The following ZNF407 variants were observed in gnomAD, a reference collection of about 807,000 sequenced individuals.
ZNF407 encodes zinc finger protein 407.
Under a neutral mutation model 131.2 loss-of-function variants are expected in ZNF407, and 17 were observed. That is an observed-to-expected ratio of 0.13 (90% CI 0.09 to 0.19). ZNF407 has a LOEUF of 0.19. Ranked by LOEUF, ZNF407 falls within the 10% of genes least tolerant of loss-of-function variation. The pLI, the probability that ZNF407 is intolerant of heterozygous loss-of-function variation, is 1.00. For missense variants in ZNF407, 2,681 were observed against 2,830.6 expected (o/e 0.95, Z 1.20); for synonymous variants, 1,156 against 1,062.0 (o/e 1.09, Z -1.72).
intron 4 of ZNF407, among the ~76,000 whole-genome samples, chr18:74,811,749 T>C (rs1044422345): frequency 4.6e-5 from 7 of 152,064 alleles, no homozygotes; most frequent in Admixed American, 3.9e-4. Context: ...TTGGAAATCA[T>C]CATTCTCAGT....
intron 3 of ZNF407, among the ~76,000 whole-genome samples, chr18:74,722,014 T>G (rs865936975): frequency 1.3e-5 from 2 of 152,140 alleles, no homozygotes; most frequent in African/African-American, 4.8e-5. Context: ...TGTTCTTGTA[T>G]GTGATGAAAC....
intron 8 of ZNF407, among the ~76,000 whole-genome samples, chr18:74,982,600 A>G (rs1972605509): frequency 1.3e-5 from 2 of 152,214 alleles, no homozygotes; most frequent in Non-Finnish European, 2.9e-5. Context: ...CTCATACTCC[A>G]GTGGCCAGTA....
At chr18:75,052,363 G>A (rs1389012761) in intron 8 of ZNF407, among the ~76,000 whole-genome samples, 1 of 152,028 alleles carries the variant, frequency 6.6e-6, no homozygotes, top group Non-Finnish European at 1.5e-5. Flanking sequence ...ATATTACGAT[G>A]AGCCATTTTT....
At chr18:74,824,611 A>G (rs1970384490) in intron 4 of ZNF407, among the ~76,000 whole-genome samples, 1 of 152,242 alleles carries the variant, frequency 6.6e-6, no homozygotes, top group African/African-American at 2.4e-5. Flanking sequence ...TAGAAAATCT[A>G]GCAGAAATGG....
chr18:74,695,876 GA>G (rs1967342333), intron 3 of ZNF407, among the ~76,000 whole-genome samples: 1 of 152,164 alleles, frequency 6.6e-6, no homozygotes, highest in East Asian at 1.9e-4. Flanking sequence ...TTTAAAAGAA[GA>G]GATCTACATA....
intron 8 of ZNF407, among the ~76,000 whole-genome samples, chr18:74,962,319 A>T (rs1203381628): frequency 6.6e-6 from 1 of 152,242 alleles, no homozygotes; most frequent in East Asian, 1.9e-4. Flanking sequence ...AACTGTAAGT[A>T]TCTTCACAAC....
chr18:75,034,426 C>T lies in ZNF407; in HGVS notation c.5429-28724C>T, dbSNP rs1973282462. 2.0e-5 allele frequency among the ~76,000 whole-genome samples: 3 copies of T among 151,348 alleles called. No individual in the cohort carries two copies. The South Asian group carries it at 6.3e-4, about 32-fold the overall frequency. ...TCATGCCATTCTCCTGCCTCAGCCT[C>T]CCGTGTAGCTGGGACTACAGGTGCG... On this transcript the variant is annotated intron_variant, in intron 8 of 8. Coordinates refer to ENST00000299687, the MANE Select transcript of ZNF407 (RefSeq NM_017757.3).
intron 8 of ZNF407, among the ~76,000 whole-genome samples, chr18:74,937,545 G>C (rs1214370056): frequency 6.6e-6 from 1 of 152,056 alleles, no homozygotes; most frequent in Non-Finnish European, 1.5e-5. Context: ...TATCAGTCAG[G>C]GTTCGACCAC....
rs564066279 is a variant in ZNF407 at position 74,961,171 on chromosome 18, C to A, written c.5428+40479C>A. Among the ~76,000 whole-genome samples, 3 of 152,242 alleles carry A rather than the reference C, an allele frequency of 2.0e-5. No homozygotes were observed. The South Asian group carries it at 6.2e-4, about 32-fold the overall frequency. On this transcript the variant is annotated intron_variant, in intron 8 of 8. Coordinates refer to ENST00000299687, the MANE Select transcript of ZNF407 (RefSeq NM_017757.3). ...ATAGCCTCTTTTTGTAGATGGGAGTCTTTTAAATGCTTTCCATTCATTAAC... is the reference window on the plus strand; with the variant it reads ...ATAGCCTCTTTTTGTAGATGGGAGTATTTTAAATGCTTTCCATTCATTAAC...
chr18:74,618,160 C>T (rs1307855793), intron 1 of ZNF407, among the ~76,000 whole-genome samples: 4 of 144,656 alleles, frequency 2.8e-5, no homozygotes, highest in Non-Finnish European at 6.0e-5. Flanking sequence ...CAAGCTGGCT[C>T]CTGTGTCTTT....
intron 8 of ZNF407, among the ~76,000 whole-genome samples, chr18:75,060,965 C>T (rs1973626533): frequency 6.6e-6 from 1 of 152,174 alleles, no homozygotes; most frequent in African/African-American, 2.4e-5. Flanking sequence ...GCCATGTCCC[C>T]TTGGTAAACG....
At chr18:74,815,854 C>A (rs1970260417) in intron 4 of ZNF407, among the ~76,000 whole-genome samples, 1 of 152,188 alleles carries the variant, frequency 6.6e-6, no homozygotes, top group African/African-American at 2.4e-5. Flanking sequence ...TAGGTTATTA[C>A]TGCGAAAGTA....
intron 4 of ZNF407, among the ~76,000 whole-genome samples, chr18:74,875,943 A>G (rs180860079): frequency 5.3e-5 from 8 of 152,278 alleles, no homozygotes; most frequent in African/African-American, 9.6e-5. Flanking sequence ...ATAAAAGACA[A>G]TTTTATAATT....
intron 6 of ZNF407, among the ~76,000 whole-genome samples, chr18:74,884,075 C>T (rs1450861235): frequency 6.6e-6 from 1 of 152,142 alleles, no homozygotes; most frequent in East Asian, 1.9e-4. Flanking sequence ...GCACTTTTGC[C>T]AATATGCACC....
At chr18:74,728,970 G>C (rs1038583837) in intron 3 of ZNF407, among the ~76,000 whole-genome samples, 2 of 152,172 alleles carry the variant, frequency 1.3e-5, no homozygotes, top group Non-Finnish European at 2.9e-5. Flanking sequence ...TGTTATGTCA[G>C]CAGCTGCTGT....
chr18:75,036,471 A>G (rs937302761), intron 8 of ZNF407, among the ~76,000 whole-genome samples: 2 of 152,222 alleles, frequency 1.3e-5, no homozygotes, highest in African/African-American at 2.4e-5. Flanking sequence ...CACACCCAAG[A>G]TGAGGAAAAT....
chr18:74,602,851 T>A (rs1288789568), intron 1 of ZNF407, among the ~76,000 whole-genome samples: 1 of 152,164 alleles, frequency 6.6e-6, no homozygotes, highest in East Asian at 1.9e-4. Context: ...AAGGGTAGGA[T>A]AAACACATTG....
intron 8 of ZNF407, among the ~76,000 whole-genome samples, chr18:74,987,606 G>T (rs1023960085): frequency 6.6e-6 from 1 of 152,054 alleles, no homozygotes; most frequent in Admixed American, 6.6e-5. Flanking sequence ...ACTCTGAGGG[G>T]TTAGTGAAGC....
chr18:74,899,241 A>G (rs2145206068), intron 7 of ZNF407, among the ~76,000 whole-genome samples: 1 of 152,338 alleles, frequency 6.6e-6, no homozygotes, highest in East Asian at 1.9e-4. Flanking sequence ...GAGGGATCCA[A>G]CAGGAGACAG....
Sources: gnomAD v4.1 joint callset for allele counts (sites outside exome capture counted in the v4.1 genomes callset) on GRCh38, gnomAD v4.1.1 for gene constraint, MANE v1.5 for transcripts, NCBI Gene and HGNC (gene_info 2026-07-23, HGNC 2026-07-21) for gene names.